THSD7B: variants seen among roughly 807,000 people sequenced by gnomAD.
The protein encoded by THSD7B is thrombospondin type 1 domain containing 7B.
In THSD7B, 138 loss-of-function variants were observed where a neutral mutation model predicts 213.6. The observed-to-expected ratio is 0.65, with a 90% CI of 0.56 to 0.74. The LOEUF (loss-of-function observed/expected upper bound fraction) is 0.74. Ranked by LOEUF, THSD7B falls within the 30% of genes least tolerant of loss-of-function variation. The pLI is 0.00. For synonymous variants in THSD7B, 742 were observed against 687.0 expected (o/e 1.08, Z -1.25); for missense variants, 1,931 against 1,991.5 (o/e 0.97, Z 0.58).
chr2:137,377,454 C>A (rs1412208619), intron 12 of THSD7B, among the ~76,000 whole-genome samples: 2 of 151,960 alleles, frequency 1.3e-5, no homozygotes, highest in Non-Finnish European at 2.9e-5. Flanking sequence ...TTGGGAAAAT[C>A]ATTTTTTTTC....
chr2:137,380,473 T>G (rs1189222817), intron 12 of THSD7B, among the ~76,000 whole-genome samples: 1 of 152,198 alleles, frequency 6.6e-6, no homozygotes, highest in African/African-American at 2.4e-5. Flanking sequence ...TTATCTTCAT[T>G]TATTCATAAG....
chr2:137,652,475 G>A (rs1286215420), intron 21 of THSD7B, among the ~76,000 whole-genome samples: 1 of 151,898 alleles, frequency 6.6e-6, no homozygotes, highest in Admixed American at 6.6e-5. Flanking sequence ...GTTTCTTGTA[G>A]ACAGTATATA....
intron 7 of THSD7B, among the ~76,000 whole-genome samples, chr2:137,179,902 C>T (rs1680422355): frequency 6.6e-6 from 1 of 152,106 alleles, no homozygotes. Context: ...TGGTGTCCTT[C>T]AAGAAACATT....
chr2:137,259,168 T>C (rs1682381783), intron 10 of THSD7B, among the ~76,000 whole-genome samples: 1 of 152,174 alleles, frequency 6.6e-6, no homozygotes, highest in Non-Finnish European at 1.5e-5. Flanking sequence ...ATCTTTATAG[T>C]AGAATGATTT....
chr2:137,499,112 C>A (rs541151479), intron 15 of THSD7B, among the ~76,000 whole-genome samples: 9 of 152,216 alleles, frequency 5.9e-5, no homozygotes, highest in African/African-American at 2.2e-4. Flanking sequence ...GTGCCTCTTG[C>A]AGGAGAAGGG....
chr2:137,555,743 C>T (rs779707250), intron 15 of THSD7B, among the ~76,000 whole-genome samples: 6 of 152,186 alleles, frequency 3.9e-5, no homozygotes, highest in African/African-American at 9.6e-5. Context: ...CTAAACTTCT[C>T]GGAGCTAAAG....
At chr2:137,144,281 T>G (rs1026936460) in intron 5 of THSD7B, among the ~76,000 whole-genome samples, 1 of 151,964 alleles carries the variant, frequency 6.6e-6, no homozygotes, top group Admixed American at 6.6e-5. Flanking sequence ...ATATTTGAAT[T>G]TTAAGGCCAT....
intron 5 of THSD7B, among the ~76,000 whole-genome samples, chr2:137,131,170 G>A (rs62172309): frequency 0.65 from 88,064 of 134,742 alleles, 30,752 homozygotes; most frequent in Non-Finnish European, 0.77. Context: ...GGCTGCATAA[G>A]TGTCTTCTTT....
chr2:136,886,943 C>G (rs1170107902), intron 2 of THSD7B, among the ~76,000 whole-genome samples: 1 of 152,054 alleles, frequency 6.6e-6, no homozygotes, highest in East Asian at 1.9e-4. Flanking sequence ...AGAGCTACTA[C>G]CAAAGAGGTA....
intron 12 of THSD7B, among the ~76,000 whole-genome samples, chr2:137,294,817 A>G (rs1008936278): frequency 3.9e-5 from 6 of 152,092 alleles, no homozygotes; most frequent in Non-Finnish European, 5.9e-5. Context: ...CGTATACCCC[A>G]TGGGTAAGAG....
At chr2:137,145,779 T>A (rs1001654147) in intron 5 of THSD7B, among the ~76,000 whole-genome samples, 1 of 152,132 alleles carries the variant, frequency 6.6e-6, no homozygotes, top group African/African-American at 2.4e-5. Flanking sequence ...TTTGAAAAAT[T>A]CATTTTACCT....
In THSD7B at chr2:137,025,862, G is replaced by A. The variant is rs574943519; in HGVS notation, c.140-30558G>A. ...CCAATTATAATATATTATTAAAGGA[G>A]AAAAATAGATTTAGTTAGATATCAG... On this transcript the variant is annotated intron_variant, in intron 2 of 27. Transcript: ENST00000409968. 9.2e-5 allele frequency among the ~76,000 whole-genome samples: 14 copies of A among 152,128 alleles called. No homozygotes were observed. The South Asian group carries it at 1.0e-3, about 11-fold the overall frequency.
intron 6 of THSD7B, among the ~76,000 whole-genome samples, chr2:137,168,270 A>C (rs111772742): frequency 0.028 from 4,300 of 152,272 alleles, 225 homozygotes; most frequent in African/African-American, 0.096. Flanking sequence ...TATTTATGGA[A>C]TAATATCATC....
intron 17 of THSD7B, among the ~76,000 whole-genome samples, chr2:137,591,223 G>A (rs776536888): frequency 6.6e-6 from 1 of 151,520 alleles, no homozygotes; most frequent in African/African-American, 2.4e-5. Context: ...GGCATTTAAG[G>A]TATACATTTT....
At chr2:136,910,756 C>A (rs996384519) in intron 2 of THSD7B, among the ~76,000 whole-genome samples, 1 of 151,716 alleles carries the variant, frequency 6.6e-6, no homozygotes, top group African/African-American at 2.4e-5. Context: ...GTAAATATTA[C>A]CCCAAATGAT....
intron 3 of THSD7B, among the ~76,000 whole-genome samples, chr2:137,074,981 G>A (rs1347195938): frequency 6.6e-6 from 1 of 152,160 alleles, no homozygotes; most frequent in Non-Finnish European, 1.5e-5. Flanking sequence ...GCTTCCCTTT[G>A]TGAGTAACCC....
At chr2:137,401,788 A>G (rs1215172314) in intron 12 of THSD7B, among the ~76,000 whole-genome samples, 1 of 152,068 alleles carries the variant, frequency 6.6e-6, no homozygotes, top group Non-Finnish European at 1.5e-5. Context: ...GAAAACCCAA[A>G]TGCCTCCATT....
chr2:137,130,424 A>G (rs1458126427), intron 5 of THSD7B, among the ~76,000 whole-genome samples: 1 of 151,844 alleles, frequency 6.6e-6, no homozygotes, highest in Non-Finnish European at 1.5e-5. Flanking sequence ...CATGTGCACA[A>G]TGTGCAGGTT....
intron 27 of THSD7B, among the ~76,000 whole-genome samples, chr2:137,671,548 T>G (rs1405520956): frequency 6.6e-6 from 1 of 152,146 alleles, no homozygotes; most frequent in African/African-American, 2.4e-5. Context: ...AACAGGCACC[T>G]TCTTCACAGA....
Sources: gnomAD v4.1 joint callset for allele counts (sites outside exome capture counted in the v4.1 genomes callset) on GRCh38, gnomAD v4.1.1 for gene constraint, MANE v1.5 for transcripts, NCBI Gene and HGNC (gene_info 2026-07-23, HGNC 2026-07-21) for gene names.